PDCD6: variants seen among roughly 807,000 people sequenced by gnomAD.
PDCD6 encodes programmed cell death protein 6.
A neutral mutation model predicts 28.3 loss-of-function variants in PDCD6; 12 were observed. That is an observed-to-expected ratio of 0.42 (90% CI 0.27 to 0.69). The LOEUF is 0.69. Ranked by LOEUF, PDCD6 falls within the 30% of genes least tolerant of loss-of-function variation. The pLI is 0.22. For missense variants in PDCD6, 226 were observed against 269.9 expected (o/e 0.84, Z 1.14); for synonymous variants, 92 against 108.0 (o/e 0.85, Z 0.92).
chr5:291,354 T>C (rs557815684), intron 2 of PDCD6, among the ~76,000 whole-genome samples: 19 of 152,340 alleles, frequency 1.2e-4, no homozygotes, highest in African/African-American at 4.6e-4. Context: ...GCTCTGTCTA[T>C]TTCTGTCCTC....
rs553381928 is a variant in PDCD6 at position 301,487 on chromosome 5, A to G, written c.164-2690A>G. 3.4e-3 allele frequency among the ~76,000 whole-genome samples: 524 copies of G among 152,354 alleles called. 2 individuals carry two copies. The highest frequency in any genetic ancestry group is 6.8e-3 in the Middle Eastern group (2 of 294). On this transcript the variant is annotated intron_variant, in intron 2 of 5. Coordinates refer to ENST00000264933, the MANE Select transcript of PDCD6 (RefSeq NM_013232.4). ...TTCCGACCTTTCTGAATACCTCTATATACATATACCTGTCTACTCTCCTTT... is the reference window on the plus strand; with the variant it reads ...TTCCGACCTTTCTGAATACCTCTATGTACATATACCTGTCTACTCTCCTTT...
intron 1 of PDCD6, 48 bp from the exon 2 acceptor site, chr5:272,663 T>C (rs1181229542): frequency 1.3e-6 from 2 of 1,547,802 alleles, no homozygotes; most frequent in Non-Finnish European, 1.8e-6. Context: ...TGTTTTGCTT[T>C]TCCTGAACTT....
At chr5:275,689 G>T (rs1286871937) in intron 2 of PDCD6, among the ~76,000 whole-genome samples, 2 of 152,222 alleles carry the variant, frequency 1.3e-5, no homozygotes, top group Non-Finnish European at 2.9e-5. Flanking sequence ...CAGGTTGTTA[G>T]TAAGCACAGG....
chr5:281,465 A>T (rs1003812179), intron 2 of PDCD6, among the ~76,000 whole-genome samples: 13 of 152,216 alleles, frequency 8.5e-5, no homozygotes, highest in African/African-American at 3.1e-4. Flanking sequence ...AGCTGAAGAC[A>T]GTGAAGGAGC....
At chr5:284,662 G>T (rs200616314) in intron 2 of PDCD6, among the ~76,000 whole-genome samples, 2 of 93,066 alleles carry the variant, frequency 2.1e-5, no homozygotes, top group East Asian at 4.4e-4. Context: ...GACCGGGCGG[G>T]AGCTGATGTT....
In PDCD6 at chr5:281,079, ATAC is replaced by A. The variant is rs560080508; in HGVS notation, c.163+8313_163+8315del. ...AGCTGTGTGGTGATTTTCTTTAAAA[ATAC>A]TACTAAGTTTTTAAACGTGATTTCA... On this transcript the variant is annotated intron_variant, in intron 2 of 5. Coordinates refer to ENST00000264933, the MANE Select transcript of PDCD6 (RefSeq NM_013232.4). Among the ~76,000 whole-genome samples the A allele has an allele frequency of 2.5e-3, 384 of 152,396 alleles. 1 individual carries two copies. The highest frequency in any genetic ancestry group is 4.9e-3 in the Non-Finnish European group (336 of 68,042).
chr5:314,379 A>G (rs750925812), intron 5 of PDCD6, 38 bp from the exon 6 acceptor site: 13 of 1,490,030 alleles, frequency 8.7e-6, no homozygotes, highest in Non-Finnish European at 1.2e-5. Flanking sequence ...TGCTCCTTCC[A>G]TTTACTATCG....
At chr5:294,855 A>C (rs1479397032) in intron 2 of PDCD6, among the ~76,000 whole-genome samples, 1 of 152,204 alleles carries the variant, frequency 6.6e-6, no homozygotes, top group African/African-American at 2.4e-5. Context: ...ACCAACCAGC[A>C]GTGGAAGGAT....
intron 2 of PDCD6, among the ~76,000 whole-genome samples, chr5:298,655 CA>C (rs1287054407): frequency 6.8e-5 from 9 of 131,940 alleles, no homozygotes; most frequent in African/African-American, 2.8e-4. Context: ...CAGCTGCTCC[CA>C]CTCAGCTGCT....
intron 2 of PDCD6, among the ~76,000 whole-genome samples, chr5:302,052 G>A (rs1416435413): frequency 3.1e-5 from 4 of 128,142 alleles, no homozygotes; most frequent in Non-Finnish European, 6.7e-5. Flanking sequence ...GCTGGAGGGC[G>A]GATCATTGAG....
chr5:276,855 C>A lies in PDCD6; in HGVS notation c.163+4083C>A, dbSNP rs1448218825. 11 of 985,250 alleles carry A rather than the reference C, an allele frequency of 1.1e-5. No homozygotes were observed. In the Admixed American group the frequency reaches 3.7e-4, roughly 33 times the overall value. 61.0% of individuals were successfully genotyped at this position (985,250 alleles called of 1,614,324 possible). A position where few individuals can be genotyped will look rare whatever the true frequency, so the allele number is the denominator to read the frequency against. Reference sequence around the variant, plus strand: ...TGCACAGGAGAGCTGCTAAAAATTACTGCTCTCAGGGAGGTCTGTGGTGAA... The same window carrying A: ...TGCACAGGAGAGCTGCTAAAAATTAATGCTCTCAGGGAGGTCTGTGGTGAA... On this transcript the variant is annotated intron_variant, in intron 2 of 5. Coordinates refer to ENST00000264933, the MANE Select transcript of PDCD6 (RefSeq NM_013232.4).
chr5:279,918 C>T (rs1299469871), intron 2 of PDCD6, among the ~76,000 whole-genome samples: 5 of 144,600 alleles, frequency 3.5e-5, no homozygotes, highest in African/African-American at 1.0e-4. Context: ...GGGCAAGTTC[C>T]GAGTGCTAGG....
chr5:306,690 C>T lies in PDCD6; in HGVS notation c.297C>T (p.Phe99=). The T allele has an allele frequency of 6.2e-7, 1 of 1,614,078 alleles. No homozygotes were observed. Among genetic ancestry groups the T allele is most frequent in the Non-Finnish European group, 8.5e-7 (1 of 1,180,016 alleles). Residue 99 remains phenylalanine (F), a synonymous_variant, in exon 4 of 6, where the codon TTC becomes TTT. Transcript: ENST00000264933. ...WKYITDWQNV[F]RTYDRDNSGM... is the part of the protein sequence containing the mutation. ...ACATCACGGACTGGCAGAACGTCTT[C>T]CGCACGTACGACCGGGACAACTCCG...
intron 2 of PDCD6, among the ~76,000 whole-genome samples, chr5:297,259 C>G (rs550470329): frequency 6.6e-6 from 1 of 152,260 alleles, no homozygotes; most frequent in African/African-American, 2.4e-5. Context: ...CACTGTGGAT[C>G]TACCATGTGG....
intron 2 of PDCD6, among the ~76,000 whole-genome samples, chr5:282,238 A>T (rs1267800253): frequency 1.7e-5 from 2 of 120,060 alleles, no homozygotes; most frequent in African/African-American, 3.3e-5. Context: ...AGAGGAGCTG[A>T]TGTTCTAATT....
At chr5:276,365 G>A (rs1738202473) in intron 2 of PDCD6, 2 of 1,032,526 alleles carry the variant, frequency 1.9e-6, no homozygotes, top group South Asian at 6.6e-5. Context: ...TAGGTTGTGA[G>A]CTGCGTGAAG....
At chr5:275,919 A>G in intron 2 of PDCD6, 3 of 748,346 alleles carry the variant, frequency 4.0e-6, no homozygotes, top group Non-Finnish European at 6.0e-6. Context: ...ATCCTACTGG[A>G]TGTCTCAGCC....
At chr5:287,888 G>A (rs1370874954) in intron 2 of PDCD6, among the ~76,000 whole-genome samples, 1 of 152,196 alleles carries the variant, frequency 6.6e-6, no homozygotes, top group Non-Finnish European at 1.5e-5. Flanking sequence ...GTTCAGAAAA[G>A]CAAGCAAAAG....
chr5:314,193 C>T (rs1397269927), intron 5 of PDCD6, among the ~76,000 whole-genome samples: 1 of 152,206 alleles, frequency 6.6e-6, no homozygotes, highest in Non-Finnish European at 1.5e-5. Context: ...TCAGCCAGGG[C>T]TGGATGTCCG....
Sources: gnomAD v4.1 joint callset for allele counts (sites outside exome capture counted in the v4.1 genomes callset) on GRCh38, gnomAD v4.1.1 for gene constraint, MANE v1.5 for transcripts, NCBI Gene and HGNC (gene_info 2026-07-23, HGNC 2026-07-21) for gene names.